The following PHF21A variants were observed in gnomAD, a reference collection of about 807,000 sequenced individuals.
The protein encoded by PHF21A is BHC80a.
In PHF21A, 11 loss-of-function variants were observed where a neutral mutation model predicts 82.5. That is an observed-to-expected ratio of 0.13 (90% CI 0.08 to 0.22). The LOEUF (loss-of-function observed/expected upper bound fraction) is 0.22, where lower values mean the gene tolerates loss of function less well. PHF21A is among the 10% of genes least tolerant of loss of function. The pLI, the probability that PHF21A is intolerant of heterozygous loss-of-function variation, is 1.00. For missense variants in PHF21A, 579 were observed against 837.8 expected (o/e 0.69, Z 3.81); for synonymous variants, 297 against 302.8 (o/e 0.98, Z 0.20).
chr11:45,985,192 C>CTAAA (rs2094451131), intron 6 of PHF21A, among the ~76,000 whole-genome samples: 1 of 152,170 alleles, frequency 6.6e-6, no homozygotes, highest in Admixed American at 6.6e-5. Flanking sequence ...TACCGTCTAA[C>CTAAA]TAAAACTCAG....
At chr11:46,051,107 G>A (rs1306459495) in intron 6 of PHF21A, among the ~76,000 whole-genome samples, 1 of 152,166 alleles carries the variant, frequency 6.6e-6, no homozygotes, top group Non-Finnish European at 1.5e-5. Context: ...AGCATAGTTA[G>A]TCTCTCTGAG....
At chr11:46,097,563 C>A (rs530316773) in intron 1 of PHF21A, among the ~76,000 whole-genome samples, 1 of 152,164 alleles carries the variant, frequency 6.6e-6, no homozygotes, top group South Asian at 2.1e-4. Flanking sequence ...AGAATTGTTC[C>A]GCTCCCCAAC....
At chr11:46,054,966 AT>A (rs1332446973) in intron 6 of PHF21A, among the ~76,000 whole-genome samples, 2 of 152,166 alleles carry the variant, frequency 1.3e-5, no homozygotes, top group Non-Finnish European at 2.9e-5. Context: ...TAAGCATTTT[AT>A]TTTAGTTTAA....
rs1168412141 is a variant in PHF21A at position 45,967,749 on chromosome 11, C to T, written c.702+2066G>A. Among the ~76,000 whole-genome samples the T allele has an allele frequency of 4.0e-5, 6 of 151,320 alleles. No individual in the cohort carries two copies. The East Asian group carries it at 9.9e-4, about 25-fold the overall frequency. ...CAAGTGTGGCCCATGAAAGTCTTGT[C>T]GGTATGAATGTCTGACTGAACTTAA... On this transcript the variant is annotated intron_variant, in intron 9 of 18. Coordinates refer to ENST00000676320, the MANE Select transcript of PHF21A (RefSeq NM_001352027.3).
intron 1 of PHF21A, among the ~76,000 whole-genome samples, chr11:46,099,523 G>GACACACACACACACAC (rs71038882): frequency 0.023 from 3,193 of 137,580 alleles, 73 homozygotes; most frequent in South Asian, 0.037. Context: ...AGAAAAATTA[G>GACACACACACACACAC]ACACACACAC....
chr11:46,006,503 G>A (rs978142107), intron 6 of PHF21A, among the ~76,000 whole-genome samples: 2 of 152,188 alleles, frequency 1.3e-5, no homozygotes, highest in African/African-American at 4.8e-5. Context: ...TAAATAACAA[G>A]GAGTCTAAAA....
chr11:46,089,526 C>G (rs2096898277), intron 3 of PHF21A, among the ~76,000 whole-genome samples: 1 of 151,886 alleles, frequency 6.6e-6, no homozygotes, highest in Admixed American at 6.6e-5. Flanking sequence ...TTATGACACT[C>G]CACAGGTGAA....
chr11:46,087,356 G>A (rs2096868319), intron 3 of PHF21A, among the ~76,000 whole-genome samples: 1 of 152,186 alleles, frequency 6.6e-6, no homozygotes, highest in African/African-American at 2.4e-5. Flanking sequence ...TTAATGAGGA[G>A]CCGATGGCTT....
chr11:45,960,608 C>T (rs904440418), intron 10 of PHF21A, among the ~76,000 whole-genome samples: 1 of 152,076 alleles, frequency 6.6e-6, no homozygotes. Context: ...TGTAACTTAA[C>T]AGAAGTGATG....
chr11:46,113,644 A>G (rs1002680127), intron 1 of PHF21A, among the ~76,000 whole-genome samples: 3 of 152,068 alleles, frequency 2.0e-5, no homozygotes, highest in African/African-American at 7.2e-5. Context: ...CCTGGCCAAC[A>G]TGGTGAAACC....
chr11:45,983,041 A>C (rs990127734), intron 6 of PHF21A, among the ~76,000 whole-genome samples: 1 of 152,226 alleles, frequency 6.6e-6, no homozygotes, highest in Non-Finnish European at 1.5e-5. Context: ...CCCATTTCCA[A>C]TGTCATGTAC....
chr11:45,986,881 CTA>C (rs1390327016), intron 6 of PHF21A, among the ~76,000 whole-genome samples: 1 of 151,682 alleles, frequency 6.6e-6, no homozygotes, highest in Non-Finnish European at 1.5e-5. Flanking sequence ...CTAGTTCAAT[CTA>C]TGTTTGGCTA....
rs1431456605 is a variant in PHF21A, at chr11:45,969,923, A to G, written c.613-19T>C. 7 of 1,534,752 alleles carry G rather than the reference A, an allele frequency of 4.6e-6. No homozygotes were observed. The highest frequency in any genetic ancestry group is 6.3e-6 in the Non-Finnish European group (7 of 1,110,436). On this transcript the variant is annotated intron_variant, in intron 8 of 18. Transcript: ENST00000676320. ...GAACCTGCTAAAAAATGAGGAAGAT[A>G]AATAAACCAGAGAGAACAATTACTC...
intron 6 of PHF21A, among the ~76,000 whole-genome samples, chr11:46,041,020 A>G (rs1191379427): frequency 6.6e-6 from 1 of 152,018 alleles, no homozygotes; most frequent in African/African-American, 2.4e-5. Context: ...AGATTTGAAC[A>G]TGCCTCTACA....
intron 1 of PHF21A, among the ~76,000 whole-genome samples, chr11:46,100,349 C>T (rs1593227594): frequency 6.6e-6 from 1 of 152,082 alleles, no homozygotes; most frequent in East Asian, 1.9e-4. Context: ...ATTAGGCACC[C>T]TATTTTACTT....
At chr11:45,951,892 T>TGC (rs1195237424) in intron 11 of PHF21A, among the ~76,000 whole-genome samples, 3 of 150,850 alleles carry the variant, frequency 2.0e-5, no homozygotes, top group East Asian at 3.9e-4. Flanking sequence ...CTGCAACCTC[T>TGC]GCCTCCTGGG....
intron 6 of PHF21A, among the ~76,000 whole-genome samples, chr11:46,031,802 A>G (rs538226483): frequency 5.3e-5 from 8 of 152,294 alleles, no homozygotes; most frequent in African/African-American, 1.9e-4. Context: ...TATACGCAAA[A>G]GCTGGAAGAA....
intron 9 of PHF21A, among the ~76,000 whole-genome samples, chr11:45,968,831 T>C (rs2093596351): frequency 6.7e-6 from 1 of 148,778 alleles, no homozygotes; most frequent in Non-Finnish European, 1.5e-5. Flanking sequence ...CTTGGAAGGC[T>C]GAGGAAGGAG....
chr11:45,934,511 G>C (rs939947216), intron 18 of PHF21A: 2 of 360,794 alleles, frequency 5.5e-6, no homozygotes, highest in South Asian at 7.6e-5. Context: ...AAAACAAACC[G>C]GCAGAGCCGC....
Sources: allele counts gnomAD v4.1 joint callset (sites outside exome capture counted in the v4.1 genomes callset), GRCh38; gene constraint gnomAD v4.1.1; transcripts MANE v1.5; gene names NCBI Gene and HGNC (gene_info 2026-07-23, HGNC 2026-07-21).